Variants in PCMT1 observed in about 807,000 individuals in gnomAD.
PCMT1 encodes protein-L-isoaspartate(D-aspartate) O-methyltransferase.
Under a neutral mutation model 29.2 loss-of-function variants are expected in PCMT1, and 9 were observed. The observed-to-expected ratio is 0.31, with a 90% confidence interval of 0.19 to 0.54. The LOEUF (loss-of-function observed/expected upper bound fraction) is 0.54, where lower values mean the gene tolerates loss of function less well. PCMT1 is among the 20% of genes least tolerant of loss of function. The pLI is 0.95. For synonymous variants in PCMT1, 98 were observed against 97.5 expected (o/e 1.00, Z -0.03); for missense variants, 184 against 282.2 (o/e 0.65, Z 2.49).
chr6:149,758,911 T>C (rs995106152), intron 1 of PCMT1, among the ~76,000 whole-genome samples: 2 of 152,122 alleles, frequency 1.3e-5, no homozygotes, highest in South Asian at 2.1e-4. Flanking sequence ...AGTTTTGCTC[T>C]TGTTGCCCAG....
rs181125288 is a variant in PCMT1 at position 149,788,594 on chromosome 6, A to G, written c.193-1360A>G. Among the ~76,000 whole-genome samples the G allele has an allele frequency of 5.3e-5, 8 of 152,334 alleles. No individual in the cohort carries two copies. In the East Asian group the frequency reaches 1.5e-3, roughly 29 times the overall value. ...TTTGCCTGGCATATCCCAGAAATGA[A>G]GTATCTTAGCAGAGGCATTTGATGT... is the stretch of plus-strand genomic sequence containing the variant. On this transcript the variant is annotated intron_variant, in intron 3 of 7. Transcript: ENST00000464889.
At chr6:149,775,253 A>G (rs1359472868) in intron 3 of PCMT1, among the ~76,000 whole-genome samples, 1 of 152,204 alleles carries the variant, frequency 6.6e-6, no homozygotes, top group African/African-American at 2.4e-5. Context: ...ATTGATAATT[A>G]TACTAGAAGA....
intron 3 of PCMT1, among the ~76,000 whole-genome samples, chr6:149,776,794 A>C (rs1394259370): frequency 1.3e-5 from 2 of 152,176 alleles, no homozygotes; most frequent in African/African-American, 2.4e-5. Flanking sequence ...TTAGAGATTA[A>C]AAAATTTGAT....
chr6:149,772,049 T>C (rs1363718670), intron 2 of PCMT1: 1 of 456,812 alleles, frequency 2.2e-6, no homozygotes, highest in Non-Finnish European at 4.4e-6. Context: ...CTGAAGCAGG[T>C]TTTGCTGAAC....
chr6:149,764,630 T>C (rs1316012307), intron 1 of PCMT1, among the ~76,000 whole-genome samples: 2 of 152,114 alleles, frequency 1.3e-5, no homozygotes, highest in East Asian at 3.9e-4. Flanking sequence ...GGCCTAGGTG[T>C]TGGGGTGGCT....
intron 3 of PCMT1, among the ~76,000 whole-genome samples, chr6:149,781,791 A>T (rs1322493369): frequency 6.6e-6 from 1 of 152,222 alleles, no homozygotes; most frequent in African/African-American, 2.4e-5. Context: ...TAAGTGTACC[A>T]TTTAGTAGTG....
intron 7 of PCMT1, among the ~76,000 whole-genome samples, chr6:149,805,918 C>A: frequency 7.2e-6 from 1 of 139,106 alleles, no homozygotes; most frequent in South Asian, 2.2e-4. Context: ...TCTAACCTGG[C>A]GACAGAGTAA....
chr6:149,783,577 G>T (rs1787902026), intron 3 of PCMT1, among the ~76,000 whole-genome samples: 1 of 152,180 alleles, frequency 6.6e-6, no homozygotes, highest in Non-Finnish European at 1.5e-5. Flanking sequence ...CTCTTAGGGA[G>T]TTGCATAGCA....
intron 1 of PCMT1, among the ~76,000 whole-genome samples, chr6:149,759,816 A>G (rs1010743356): frequency 1.3e-5 from 2 of 152,132 alleles, no homozygotes; most frequent in African/African-American, 4.8e-5. Context: ...CTGTATTTTC[A>G]GTGCTTATAC....
At chr6:149,762,215 G>A (rs1786769959) in intron 1 of PCMT1, among the ~76,000 whole-genome samples, 2 of 151,482 alleles carry the variant, frequency 1.3e-5, no homozygotes, top group Admixed American at 6.6e-5. Flanking sequence ...TTATTATTTG[G>A]CTGATAGCTT....
chr6:149,785,012 G>C (rs1161821163), intron 3 of PCMT1, among the ~76,000 whole-genome samples: 1 of 151,268 alleles, frequency 6.6e-6, no homozygotes, highest in Admixed American at 6.6e-5. Flanking sequence ...GCATATTTTT[G>C]GTCTTGTTTC....
intron 3 of PCMT1, among the ~76,000 whole-genome samples, chr6:149,780,503 G>A (rs1254593074): frequency 6.6e-6 from 1 of 152,090 alleles, no homozygotes; most frequent in Non-Finnish European, 1.5e-5. Flanking sequence ...CCCATTAGCA[G>A]TCAGATCCCA....
At chr6:149,766,764 G>T (rs569364537) in intron 1 of PCMT1, among the ~76,000 whole-genome samples, 12 of 152,238 alleles carry the variant, frequency 7.9e-5, no homozygotes, top group African/African-American at 2.4e-4. Context: ...AAGTTTTCTG[G>T]TGTCTCTTTG....
At chr6:149,779,161 G>C (rs1787705557) in intron 3 of PCMT1, among the ~76,000 whole-genome samples, 1 of 152,104 alleles carries the variant, frequency 6.6e-6, no homozygotes, top group African/African-American at 2.4e-5. Flanking sequence ...GAGGCACAGC[G>C]AGTTCTTGCT....
chr6:149,751,680 C>T (rs1786327086), intron 1 of PCMT1, among the ~76,000 whole-genome samples: 1 of 151,960 alleles, frequency 6.6e-6, no homozygotes, highest in Non-Finnish European at 1.5e-5. Flanking sequence ...AGGGGTTTCA[C>T]TATGTTGGCC....
intron 3 of PCMT1, among the ~76,000 whole-genome samples, chr6:149,789,666 G>A (rs1021984370): frequency 6.6e-6 from 1 of 152,150 alleles, no homozygotes; most frequent in South Asian, 2.1e-4. Flanking sequence ...TTGGAAATGG[G>A]AGTAGGGTGG....
chr6:149,809,152 G>A (rs547935639), intron 7 of PCMT1, among the ~76,000 whole-genome samples: 180 of 148,780 alleles, frequency 1.2e-3, no homozygotes, highest in African/African-American at 3.4e-3. Flanking sequence ...CCAGCGACTC[G>A]GGAGGCTGAG....
At chr6:149,773,041 A>G (rs1787400926) in intron 2 of PCMT1, 97 bp from the exon 3 acceptor site, 2 of 823,850 alleles carry the variant, frequency 2.4e-6, no homozygotes, top group African/African-American at 1.8e-5. Flanking sequence ...AAAAAGAATT[A>G]TTGTGAAAAA....
intron 3 of PCMT1, among the ~76,000 whole-genome samples, chr6:149,778,108 C>T (rs904904434): frequency 6.6e-6 from 1 of 151,928 alleles, no homozygotes; most frequent in African/African-American, 2.4e-5. Context: ...AACTCCTGGC[C>T]TCAAGTGATC....
Sources: allele counts gnomAD v4.1 joint callset (sites outside exome capture counted in the v4.1 genomes callset), GRCh38; gene constraint gnomAD v4.1.1; transcripts MANE v1.5; gene names NCBI Gene and HGNC (gene_info 2026-07-23, HGNC 2026-07-21).